LPP: variants seen among roughly 807,000 people sequenced by gnomAD.
LPP encodes LIM domain containing preferred translocation partner in lipoma.
Under a neutral mutation model 60.4 loss-of-function variants are expected in LPP, and 38 were observed. The observed-to-expected ratio is 0.63, with a 90% CI of 0.49 to 0.83. The LOEUF is 0.83. Ranked by LOEUF, LPP falls within the 40% of genes least tolerant of loss-of-function variation. The pLI, the probability that LPP is intolerant of heterozygous loss-of-function variation, is 0.00. For missense variants in LPP, 902 were observed against 783.6 expected (o/e 1.15, Z -1.80); for synonymous variants, 328 against 290.8 (o/e 1.13, Z -1.30).
chr3:188,321,136 GT>G (rs1264786261), intron 2 of LPP, among the ~76,000 whole-genome samples: 1 of 152,224 alleles, frequency 6.6e-6, no homozygotes, highest in Non-Finnish European at 1.5e-5. Flanking sequence ...GCCTGTGGGA[GT>G]ACTTGTATCT....
chr3:188,569,900 T>G lies in LPP; in HGVS notation c.430-39261T>G, dbSNP rs116255791. ...AGAGTCATGCAATCATTACCTCAAT[T>G]TAATTTTAGAACATTTAAAAAGTCC... On this transcript the variant is annotated intron_variant, in intron 6 of 11. Coordinates refer to ENST00000617246, the MANE Select transcript of LPP (RefSeq NM_001375462.1). Among the ~76,000 whole-genome samples the G allele has an allele frequency of 4.2e-3, 638 of 152,186 alleles. 5 individuals are homozygous for G. The highest frequency in any genetic ancestry group is 0.011 in the African/African-American group (464 of 41,560).
intron 4 of LPP, among the ~76,000 whole-genome samples, chr3:188,412,243 A>G (rs1785084878): frequency 6.6e-6 from 1 of 152,036 alleles, no homozygotes. Flanking sequence ...AAATATAATA[A>G]CCTTTACCTT....
At position 188,513,962 on chromosome 3, in the gene LPP, A is replaced by G. The variant is rs547959162; in HGVS notation, c.307-10703A>G. 3.9e-5 allele frequency among the ~76,000 whole-genome samples: 6 copies of G among 152,326 alleles called. No homozygotes were observed. The East Asian group carries it at 1.2e-3, about 29-fold the overall frequency. ...GCAGTATTAGAGGTTAAAAAAATAG[A>G]AAACGACCTGGAAGGTGCATACCCT... On this transcript the variant is annotated intron_variant, in intron 5 of 11. Coordinates refer to ENST00000617246, the MANE Select transcript of LPP (RefSeq NM_001375462.1).
chr3:188,738,721 T>C (rs1211697882), intron 8 of LPP, among the ~76,000 whole-genome samples: 1 of 152,158 alleles, frequency 6.6e-6, no homozygotes, highest in Non-Finnish European at 1.5e-5. Flanking sequence ...ATTGGATCCC[T>C]GGTGCTATGT....
At chr3:188,814,438 TTA>T (rs1477113142) in intron 9 of LPP, among the ~76,000 whole-genome samples, 1 of 152,196 alleles carries the variant, frequency 6.6e-6, no homozygotes, top group Non-Finnish European at 1.5e-5. Flanking sequence ...CCTCACAGTA[TTA>T]TAGTCAATTC....
intron 5 of LPP, among the ~76,000 whole-genome samples, chr3:188,507,997 G>C (rs1283039215): frequency 6.6e-6 from 1 of 152,184 alleles, no homozygotes; most frequent in Non-Finnish European, 1.5e-5. Flanking sequence ...TTTTATGCTA[G>C]TAAATAAAAT....
intron 10 of LPP, among the ~76,000 whole-genome samples, chr3:188,867,532 T>C (rs1766985478): frequency 1.3e-5 from 2 of 151,876 alleles, no homozygotes; most frequent in South Asian, 2.1e-4. Context: ...TTAGTAGAGA[T>C]GGGGTTTCGC....
At chr3:188,393,689 G>A (rs76890642) in intron 3 of LPP, among the ~76,000 whole-genome samples, 1,559 of 152,252 alleles carry the variant, frequency 0.01, 29 homozygotes, top group African/African-American at 0.035. Flanking sequence ...AAAACGATTC[G>A]AAACCAGAGC....
In LPP at chr3:188,374,919, G is replaced by A. The variant is rs546988471; in HGVS notation, c.-9-31193G>A. 3.6e-3 allele frequency among the ~76,000 whole-genome samples: 540 copies of A among 151,960 alleles called. 5 individuals are homozygous for A. Among genetic ancestry groups the A allele is most frequent in the African/African-American group, 0.012 (483 of 41,508 alleles). ...TTATTGAGAGTTTTTAGCATGAAGC[G>A]TTGTTGAATTTTGTCAAAGGCCTTT... On this transcript the variant is annotated intron_variant, in intron 3 of 11. Transcript: ENST00000617246.
intron 5 of LPP, among the ~76,000 whole-genome samples, chr3:188,510,771 A>G (rs1028675570): frequency 2.0e-5 from 3 of 152,154 alleles, no homozygotes; most frequent in African/African-American, 4.8e-5. Flanking sequence ...TTCCTTCTAT[A>G]TCTTTATGCT....
Position 188,216,218 on chromosome 3 carries a change from G to A in LPP, c.-189-9187G>A, listed in dbSNP as rs553716945. On this transcript the variant is annotated intron_variant, in intron 1 of 11. Coordinates refer to ENST00000617246, the MANE Select transcript of LPP (RefSeq NM_001375462.1). The stretch of plus-strand genomic sequence containing the variant: ...TAATTATTAAGTCTGTGGAATAGTA[G>A]GCCAAAACTGGCCATGATTTTTCTG... Among the ~76,000 whole-genome samples, 12 of 151,650 alleles carry A rather than the reference G, an allele frequency of 7.9e-5. No homozygotes were observed. The South Asian group carries it at 2.5e-3, about 32-fold the overall frequency.
chr3:188,303,300 G>A (rs1038291457), intron 2 of LPP, among the ~76,000 whole-genome samples: 5 of 152,178 alleles, frequency 3.3e-5, no homozygotes, highest in Non-Finnish European at 7.3e-5. Context: ...GATTTGGTCT[G>A]CGTGCCACAG....
chr3:188,411,815 G>A (rs1413201733), intron 4 of LPP, among the ~76,000 whole-genome samples: 2 of 152,054 alleles, frequency 1.3e-5, no homozygotes, highest in Non-Finnish European at 2.9e-5. Context: ...AAATAGCAAA[G>A]CAAATGAACT....
At chr3:188,351,485 A>G (rs185017235) in intron 3 of LPP, among the ~76,000 whole-genome samples, 102 of 152,276 alleles carry the variant, frequency 6.7e-4, no homozygotes, top group Non-Finnish European at 1.1e-3. Context: ...TATGAAGACC[A>G]CTAAGAATAA....
chr3:188,365,857 T>G (rs1770999384), intron 3 of LPP, among the ~76,000 whole-genome samples: 1 of 152,176 alleles, frequency 6.6e-6, no homozygotes, highest in African/African-American at 2.4e-5. Flanking sequence ...CTAGTCAAGC[T>G]AATTAACATA....
intron 2 of LPP, among the ~76,000 whole-genome samples, chr3:188,240,892 T>G (rs547884265): frequency 6.6e-6 from 1 of 152,334 alleles, no homozygotes; most frequent in African/African-American, 2.4e-5. Flanking sequence ...CTGAAAAAGT[T>G]CCGTGTGGAG....
chr3:188,448,410 A>ATC (rs1436118904), intron 4 of LPP, among the ~76,000 whole-genome samples: 3 of 31,514 alleles, frequency 9.5e-5, no homozygotes, highest in East Asian at 1.2e-3. Context: ...TTAGATAAAG[A>ATC]TATCTATATT....
At chr3:188,791,869 C>T (rs2078466710) in intron 9 of LPP, among the ~76,000 whole-genome samples, 1 of 152,130 alleles carries the variant, frequency 6.6e-6, no homozygotes, top group Non-Finnish European at 1.5e-5. Context: ...GCCTGCACCC[C>T]ATTCCTTGAG....
chr3:188,426,698 A>G (rs1789452176), intron 4 of LPP, among the ~76,000 whole-genome samples: 1 of 152,108 alleles, frequency 6.6e-6, no homozygotes, highest in South Asian at 2.1e-4. Flanking sequence ...TCCCTTTACC[A>G]TTATATAATG....
Sources: gnomAD v4.1 joint callset for allele counts (sites outside exome capture counted in the v4.1 genomes callset) on GRCh38, gnomAD v4.1.1 for gene constraint, MANE v1.5 for transcripts, NCBI Gene and HGNC (gene_info 2026-07-23, HGNC 2026-07-21) for gene names.